Variants in EFCAB5 observed in about 807,000 individuals in gnomAD.
EFCAB5 encodes the protein EF-hand calcium-binding domain-containing protein 5.
EFCAB5 carries 131 observed loss-of-function variants against 167.9 expected under a neutral mutation model. That is an observed-to-expected ratio of 0.78 (90% CI 0.68 to 0.90). The LOEUF is 0.90. Among genes scored for constraint, EFCAB5 ranks in the 40% least tolerant of loss-of-function variants. EFCAB5 has a pLI of 0.00. For missense variants in EFCAB5, 1,663 were observed against 1,745.2 expected (o/e 0.95, Z 0.84); for synonymous variants, 574 against 602.8 (o/e 0.95, Z 0.70).
intron 14 of EFCAB5, among the ~76,000 whole-genome samples, chr17:30,066,245 AT>A (rs1232792605): frequency 6.6e-6 from 1 of 152,236 alleles, no homozygotes; most frequent in Non-Finnish European, 1.5e-5. Flanking sequence ...AATTGAAATC[AT>A]ATCAAATATC....
intron 8 of EFCAB5, among the ~76,000 whole-genome samples, chr17:30,043,592 T>C (rs2069835234): frequency 6.6e-6 from 1 of 152,160 alleles, no homozygotes; most frequent in African/African-American, 2.4e-5. Flanking sequence ...CAAAGAAATA[T>C]TGGAAGATGA....
chr17:30,052,882 A>G (rs1396312879), intron 9 of EFCAB5, among the ~76,000 whole-genome samples: 1 of 152,242 alleles, frequency 6.6e-6, no homozygotes, highest in Non-Finnish European at 1.5e-5. Context: ...TTGAAAATAT[A>G]TTTGACATGA....
intron 22 of EFCAB5, among the ~76,000 whole-genome samples, chr17:30,102,580 A>T (rs1180005841): frequency 6.6e-6 from 1 of 151,866 alleles, no homozygotes; most frequent in East Asian, 1.9e-4. Context: ...CTTTTCCTTT[A>T]CATTAGTCTT....
At chr17:29,937,679 A>G (rs1298381844), upstream of EFCAB5, among the ~76,000 whole-genome samples, 1 of 152,194 alleles carries the variant, frequency 6.6e-6, no homozygotes, top group Non-Finnish European at 1.5e-5. Context: ...GAGAAAGGAT[A>G]TAGAGATCCT....
At chr17:30,056,000 C>A in intron 11 of EFCAB5, 35 bp downstream of exon 11, 1 of 1,612,924 alleles carries the variant, frequency 6.2e-7, no homozygotes. Flanking sequence ...TCATTTATAC[C>A]CTAGAACAAA....
upstream of EFCAB5, among the ~76,000 whole-genome samples, chr17:29,936,885 C>T (rs138550269): frequency 7.5e-4 from 114 of 152,218 alleles, no homozygotes; most frequent in Admixed American, 4.3e-3. Context: ...ATGATGTAGC[C>T]CTGAGCAAGA....
intron 7 of EFCAB5, among the ~76,000 whole-genome samples, chr17:30,006,335 G>T (rs2151668890): frequency 6.6e-6 from 1 of 151,932 alleles, no homozygotes; most frequent in Non-Finnish European, 1.5e-5. Flanking sequence ...ATTTTTTTTG[G>T]AGATCTTTTT....
intron 7 of EFCAB5, among the ~76,000 whole-genome samples, chr17:30,004,670 G>T (rs1220912694): frequency 1.3e-5 from 2 of 148,640 alleles, no homozygotes; most frequent in African/African-American, 5.0e-5. Flanking sequence ...GCCCAGTCTG[G>T]AGTGCAGTGG....
At chr17:30,060,003 A>G (rs543857171) in intron 14 of EFCAB5, 22 of 169,944 alleles carry the variant, frequency 1.3e-4, no homozygotes, top group African/African-American at 4.5e-4. Context: ...ATAATCTTTT[A>G]AGTAGAAAAT....
At chr17:30,024,140 C>T (rs1167545325) in intron 7 of EFCAB5, among the ~76,000 whole-genome samples, 1 of 152,134 alleles carries the variant, frequency 6.6e-6, no homozygotes, top group Non-Finnish European at 1.5e-5. Flanking sequence ...GATGCCCTCT[C>T]TCACCACTCC....
chr17:29,993,460 G>A (rs891249199), intron 5 of EFCAB5, 139 bp downstream of exon 5: 10 of 691,634 alleles, frequency 1.4e-5, no homozygotes, highest in African/African-American at 5.5e-5. Flanking sequence ...TGTCTGGTCC[G>A]TGAGTGTTGA....
chr17:30,020,447 CT>C (rs1274158065), intron 7 of EFCAB5, among the ~76,000 whole-genome samples: 1 of 151,226 alleles, frequency 6.6e-6, no homozygotes, highest in African/African-American at 2.4e-5. Flanking sequence ...TCACTGCAAC[CT>C]CCGCCTTCCA....
chr17:29,957,013 T>A (rs1260403320), intron 3 of EFCAB5, among the ~76,000 whole-genome samples: 1 of 152,184 alleles, frequency 6.6e-6, no homozygotes, highest in East Asian at 1.9e-4. Context: ...AAAATGGGCA[T>A]CCTTATTTTG....
chr17:30,006,321 G>A (rs953333846), intron 7 of EFCAB5, among the ~76,000 whole-genome samples: 4 of 152,102 alleles, frequency 2.6e-5, no homozygotes, highest in African/African-American at 9.7e-5. Flanking sequence ...AAACAAATTT[G>A]TAGATTTTTT....
At chr17:30,018,708 A>G (rs1010771196) in intron 7 of EFCAB5, among the ~76,000 whole-genome samples, 1 of 152,078 alleles carries the variant, frequency 6.6e-6, no homozygotes, top group African/African-American at 2.4e-5. Context: ...GGCTGCTTAC[A>G]CCTAAACTCT....
Position 30,054,073 on chromosome 17 carries a change from T to C in EFCAB5, c.2119T>C (p.Tyr707His), listed in dbSNP as rs1307634716. 10 of 1,592,680 alleles carry C rather than the reference T, an allele frequency of 6.3e-6. No homozygotes were observed. Among genetic ancestry groups the C allele is most frequent in the Non-Finnish European group, 8.6e-7 (1 of 1,168,678 alleles). The change falls in exon 10 of 23, where the codon TAT (tyrosine) becomes CAT (histidine). Residue 707 changes from tyrosine (Y) to histidine (H), a missense_variant. By Grantham distance (83) the Tyr-to-His change is moderately conservative. Coordinates refer to ENST00000394835, the MANE Select transcript of EFCAB5 (RefSeq NM_198529.4). ...LQEKRSWEQT[Y>H]EEEIFLSSEL... ...GGAAAAGAGGTCTTGGGAACAAACA[T>C]ATGAAGAGGAAATATTCCTGAGTTC... is the stretch of plus-strand genomic sequence containing the variant.
At chr17:30,106,496 A>ACC (rs941627875) in intron 22 of EFCAB5, among the ~76,000 whole-genome samples, 1 of 152,024 alleles carries the variant, frequency 6.6e-6, no homozygotes, top group African/African-American at 2.4e-5. Context: ...TCACTCTGCC[A>ACC]CCCAGGCTGG....
chr17:29,943,723 C>T, intron 3 of EFCAB5, 74 bp downstream of exon 3: 1 of 1,378,650 alleles, frequency 7.3e-7, no homozygotes, highest in Non-Finnish European at 9.8e-7. Context: ...CCTGTAATTC[C>T]AGCACTTTGG....
intron 7 of EFCAB5, among the ~76,000 whole-genome samples, chr17:30,026,944 C>T (rs2069339461): frequency 1.8e-5 from 2 of 112,728 alleles, no homozygotes; most frequent in African/African-American, 3.1e-5. Flanking sequence ...GAATGATTTC[C>T]TTGTACCTCC....
Sources: gnomAD v4.1 joint callset for allele counts (sites outside exome capture counted in the v4.1 genomes callset) on GRCh38, gnomAD v4.1.1 for gene constraint, MANE v1.5 for transcripts, NCBI Gene and HGNC (gene_info 2026-07-23, HGNC 2026-07-21) for gene names.